Variants in NTRK2 observed in about 807,000 individuals in gnomAD.
NTRK2 encodes the protein neurotrophic receptor tyrosine kinase 2, also known as BDNF/NT-3 growth factors receptor.
In NTRK2, 13 loss-of-function variants were observed where a neutral mutation model predicts 94.5. The ratio of observed to expected loss-of-function variants is 0.14; its 90% CI spans 0.09 to 0.22. The LOEUF is 0.22. Ranked by LOEUF, NTRK2 falls within the 10% of genes least tolerant of loss-of-function variation. NTRK2 has a pLI of 1.00. For missense variants in NTRK2, 639 were observed against 1,071.2 expected (o/e 0.60, Z 5.63); for synonymous variants, 372 against 407.4 (o/e 0.91, Z 1.05).
chr9:84,694,673 C>T (rs2060252812), intron 2 of NTRK2, among the ~76,000 whole-genome samples: 1 of 152,084 alleles, frequency 6.6e-6, no homozygotes. Flanking sequence ...GATTATTCTA[C>T]TCCCTATGAA....
intron 12 of NTRK2, among the ~76,000 whole-genome samples, chr9:84,855,226 A>T (rs747143145): frequency 2.0e-5 from 3 of 152,214 alleles, no homozygotes; most frequent in African/African-American, 4.8e-5. Context: ...CTGGCAGCTC[A>T]TGGGAAACAG....
In NTRK2 at chr9:84,670,900, G is replaced by A. The variant is rs938587244; in HGVS notation, c.152G>A (p.Gly51Asp). 4.3e-6 allele frequency: 7 copies of A among 1,611,816 alleles called. No homozygotes were observed. Among genetic ancestry groups the A allele is most frequent in the Admixed American group, 1.7e-5 (1 of 60,030 alleles). ...ATCTGGTGCAGCGACCCTTCTCCTG[G>A]CATCGTGGCATTTCCGAGATTGGAG... is the stretch of plus-strand genomic sequence containing the variant. The part of the protein sequence containing the change: ...SRIWCSDPSP[G>D]IVAFPRLEPN... The change falls in exon 2 of 19, where the codon GGC (glycine) becomes GAC (aspartate). Residue 51 changes from glycine (G) to aspartate (D), a missense_variant. By Grantham distance (94) the Gly-to-Asp change is moderately conservative (BLOSUM62 -1). Transcript: ENST00000277120.
At chr9:84,909,671 C>T (rs2077180891) in intron 14 of NTRK2, among the ~76,000 whole-genome samples, 1 of 151,750 alleles carries the variant, frequency 6.6e-6, no homozygotes, top group Non-Finnish European at 1.5e-5. Context: ...CCTGCATTTC[C>T]CTCATCTAAT....
intron 12 of NTRK2, among the ~76,000 whole-genome samples, chr9:84,801,951 C>T (rs2070509871): frequency 6.6e-6 from 1 of 152,204 alleles, no homozygotes; most frequent in South Asian, 2.1e-4. Context: ...GAAGGAAATG[C>T]ATTTGTCCAT....
chr9:84,799,951 A>G (rs1186735330), intron 12 of NTRK2, among the ~76,000 whole-genome samples: 1 of 152,312 alleles, frequency 6.6e-6, no homozygotes, highest in South Asian at 2.1e-4. Flanking sequence ...ATAGTAAAAC[A>G]TTTACTTTCT....
chr9:84,820,666 A>G (rs1345898793), intron 12 of NTRK2, among the ~76,000 whole-genome samples: 1 of 152,190 alleles, frequency 6.6e-6, no homozygotes, highest in Non-Finnish European at 1.5e-5. Context: ...GAATATATTC[A>G]TTGAAAAAAA....
chr9:85,021,705 T>A lies in NTRK2; in HGVS notation c.*268T>A. The stretch of plus-strand genomic sequence containing the variant: ...TCTTTTTTTAAATTTTCTTTTTCTT[T>A]TTTTTTTCGTCTTCCCTGCTTCACG... On this transcript the variant is annotated 3_prime_UTR_variant, in exon 19 of 19. Transcript: ENST00000277120. The A allele has an allele frequency of 3.2e-6, 1 of 314,510 alleles. No individual in the cohort carries two copies. Among genetic ancestry groups the A allele is most frequent in the Non-Finnish European group, 5.7e-6 (1 of 176,914 alleles). The allele number at this position is 314,510 out of a possible 1,614,324, so 19.5% of individuals were successfully genotyped here. A position where few individuals can be genotyped will look rare whatever the true frequency, so the allele number is the denominator to read the frequency against.
rs2063595042 is a variant in NTRK2 at position 84,740,830 on chromosome 9, CT to C, written c.1160-1060del. Among the ~76,000 whole-genome samples the C allele has an allele frequency of 7.9e-5, 12 of 152,144 alleles. 1 individual carries two copies. The highest frequency in any genetic ancestry group is 4.6e-4 in the Admixed American group (7 of 15,284). ...TATTTGGTTCTTCATTTAGACTAAC[CT>C]TGATTATTCACTGGGGAATGCATGA... On this transcript the variant is annotated intron_variant, in intron 9 of 18. Transcript: ENST00000277120.
At chr9:84,944,093 A>C (rs1051467088) in intron 15 of NTRK2, among the ~76,000 whole-genome samples, 30 of 152,056 alleles carry the variant, frequency 2.0e-4, no homozygotes, top group Admixed American at 1.0e-3. Flanking sequence ...TTGACATTGC[A>C]CTGAGAATGG....
At chr9:84,807,106 C>T (rs1013999788) in intron 12 of NTRK2, among the ~76,000 whole-genome samples, 2 of 152,212 alleles carry the variant, frequency 1.3e-5, no homozygotes, top group Non-Finnish European at 1.5e-5. Flanking sequence ...CCTTCACTTC[C>T]TTTGGGCTCA....
intron 14 of NTRK2, among the ~76,000 whole-genome samples, chr9:84,930,414 G>A (rs145097275): frequency 2.1e-4 from 32 of 152,288 alleles, no homozygotes; most frequent in African/African-American, 5.8e-4. Context: ...GTCAGCAGAG[G>A]TGGTGCAGGG....
intron 17 of NTRK2, among the ~76,000 whole-genome samples, chr9:84,972,784 CAA>C (rs1422290313): frequency 1.3e-5 from 2 of 152,264 alleles, no homozygotes; most frequent in Non-Finnish European, 1.5e-5. Context: ...CCTTATAACT[CAA>C]AGATTCCATT....
chr9:84,728,875 A>G (rs1189341864), intron 9 of NTRK2, among the ~76,000 whole-genome samples: 1 of 152,178 alleles, frequency 6.6e-6, no homozygotes, highest in Non-Finnish European at 1.5e-5. Flanking sequence ...CCTTCAGTGG[A>G]GTGTTCTTAC....
At chr9:84,886,745 C>T (rs2076426856) in intron 14 of NTRK2, among the ~76,000 whole-genome samples, 1 of 152,194 alleles carries the variant, frequency 6.6e-6, no homozygotes, top group African/African-American at 2.4e-5. Flanking sequence ...GACCCCTCAT[C>T]AGCTTAAAAC....
chr9:84,690,881 G>A (rs2060012851), intron 2 of NTRK2, among the ~76,000 whole-genome samples: 1 of 152,186 alleles, frequency 6.6e-6, no homozygotes, highest in Admixed American at 6.5e-5. Context: ...TATAGTGTCA[G>A]CATATTGTAC....
At chr9:84,951,527 G>A (rs2078782207) in intron 16 of NTRK2, among the ~76,000 whole-genome samples, 1 of 151,396 alleles carries the variant, frequency 6.6e-6, no homozygotes, top group Admixed American at 6.6e-5. Context: ...AGCTCACAGT[G>A]TGTCTGTACA....
chr9:84,927,995 T>C (rs1005016726), intron 14 of NTRK2, among the ~76,000 whole-genome samples: 1 of 152,196 alleles, frequency 6.6e-6, no homozygotes, highest in Admixed American at 6.5e-5. Context: ...AATTAATTGA[T>C]GATAATGCAC....
intron 14 of NTRK2, among the ~76,000 whole-genome samples, chr9:84,915,508 G>A (rs572101800): frequency 6.6e-6 from 1 of 152,288 alleles, no homozygotes; most frequent in South Asian, 2.1e-4. Context: ...GCTCAGGCCA[G>A]CTCCCTTTCC....
chr9:84,688,392 G>C (rs1216309359), intron 2 of NTRK2, among the ~76,000 whole-genome samples: 1 of 152,196 alleles, frequency 6.6e-6, no homozygotes, highest in Non-Finnish European at 1.5e-5. Flanking sequence ...TGTCCTGGGA[G>C]TGTGTAGGGG....
Sources: allele counts gnomAD v4.1 joint callset (sites outside exome capture counted in the v4.1 genomes callset), GRCh38; gene constraint gnomAD v4.1.1; transcripts MANE v1.5; gene names NCBI Gene and HGNC (gene_info 2026-07-23, HGNC 2026-07-21).